The following SLC15A3 variants were observed in gnomAD, a reference collection of about 807,000 sequenced individuals.
SLC15A3 encodes solute carrier family 15 member 3, also known as osteoclast transporter.
A neutral mutation model predicts 49.2 loss-of-function variants in SLC15A3; 39 were observed. The ratio of observed to expected loss-of-function variants is 0.79; its 90% CI spans 0.61 to 1.04. The LOEUF (loss-of-function observed/expected upper bound fraction) is 1.04, where lower values mean the gene tolerates loss of function less well. Ranked by LOEUF, SLC15A3 falls within the 50% of genes least tolerant of loss-of-function variation. SLC15A3 has a pLI of 0.00. For synonymous variants in SLC15A3, 339 were observed against 367.0 expected (o/e 0.92, Z 0.87); for missense variants, 758 against 794.8 (o/e 0.95, Z 0.56).
chr11:60,942,226 G>T, intron 3 of SLC15A3, 81 bp from the exon 4 acceptor site: 1 of 1,171,514 alleles, frequency 8.5e-7, no homozygotes, highest in Non-Finnish European at 1.3e-6. Context: ...CCTCAGCGCC[G>T]TACCACAGGA....
chr11:60,937,782 C>G, intron 7 of SLC15A3, 88 bp downstream of exon 7: 1 of 1,494,822 alleles, frequency 6.7e-7, no homozygotes, highest in South Asian at 1.3e-5. Context: ...CTTGCTTCTC[C>G]CCAGAGTCAA....
In SLC15A3 at chr11:60,951,573, C is replaced by A. The variant is rs577377966; in HGVS notation, c.-22G>T. The A allele has an allele frequency of 8.8e-7, 1 of 1,136,058 alleles. No individual in the cohort carries two copies. Among genetic ancestry groups the A allele is most frequent in the South Asian group, 4.4e-5 (1 of 22,938 alleles). 70.4% of individuals were successfully genotyped at this position (1,136,058 alleles called of 1,614,324 possible). On this transcript the variant is annotated 5_prime_UTR_variant, in exon 1 of 8. Coordinates refer to ENST00000227880, the MANE Select transcript of SLC15A3 (RefSeq NM_016582.3). ...GCATCCTGGCTCCGGGCTGGGCCCC[C>A]CGCGGCTCTTCTCTCCTCTCCTCTC...
At chr11:60,943,531 G>T in intron 3 of SLC15A3, 158 bp downstream of exon 3, 1 of 715,334 alleles carries the variant, frequency 1.4e-6, no homozygotes, top group Non-Finnish European at 2.0e-6. Flanking sequence ...AGACGGCTTT[G>T]TGCCAGGCCC....
chr11:60,948,701 G>A (rs542899468), intron 1 of SLC15A3, among the ~76,000 whole-genome samples: 1 of 152,322 alleles, frequency 6.6e-6, no homozygotes, highest in East Asian at 1.9e-4. Context: ...ACTGTCCTAG[G>A]GATCAGGTCC....
chr11:60,947,727 T>G (rs1184680823), intron 1 of SLC15A3: 3 of 151,532 alleles, frequency 2.0e-5, no homozygotes, highest in Admixed American at 6.6e-5. Context: ...GAAAAAAACG[T>G]TTTTTTTCAG....
chr11:60,942,044 G>A lies in SLC15A3; in HGVS notation c.1098C>T (p.Ser366=), dbSNP rs759378645. ...NISVALRAQG[S]SYTIPEAWLL... ...ATGCTTTATCTCTCACCGTGTAGCTGCTGCCCTGGGCTCTCAGGGCCACAG... is the reference window on the plus strand; with the variant it reads ...ATGCTTTATCTCTCACCGTGTAGCTACTGCCCTGGGCTCTCAGGGCCACAG... Residue 366 remains serine, a synonymous_variant, in exon 4 of 8, where the codon AGC becomes AGT. Coordinates refer to ENST00000227880, the MANE Select transcript of SLC15A3 (RefSeq NM_016582.3). The A allele has an allele frequency of 3.7e-6, 6 of 1,613,908 alleles. No individual in the cohort carries two copies. The highest frequency in any genetic ancestry group is 5.1e-6 in the Non-Finnish European group (6 of 1,179,898).
In SLC15A3 at chr11:60,946,535, G is replaced by C; in HGVS notation, c.845C>G (p.Ala282Gly). 1 of 1,556,964 alleles carries C rather than the reference G, an allele frequency of 6.4e-7. No homozygotes were observed. Among genetic ancestry groups the C allele is most frequent in the Non-Finnish European group, 8.7e-7 (1 of 1,148,238 alleles). ...CCPQLWQRHS[A>G]RDRQCARVLA... ...TGCACCCAGAGCCCCTCCTTACCTG[G>C]CCGAGTGTCGTTGCCACAGCTGGGG... The change falls in exon 2 of 8, where the codon GCC becomes GGC. Residue 282 changes from alanine to glycine, a missense_variant. By Grantham distance (60) the Ala-to-Gly change is moderately conservative (BLOSUM62 0). This residue lies in a region of SLC15A3 where 699 missense variants were observed against 706.7 expected (regional missense o/e 0.99). Coordinates refer to ENST00000227880, the MANE Select transcript of SLC15A3 (RefSeq NM_016582.3).
At chr11:60,947,740 C>T (rs569267401) in intron 1 of SLC15A3, 1 of 152,200 alleles carries the variant, frequency 6.6e-6, no homozygotes, top group East Asian at 1.9e-4. Flanking sequence ...TTTTTCAGGC[C>T]TCCCAGCAAG....
rs770903289 is a variant in SLC15A3, at chr11:60,942,124, G to A, written c.1018C>T (p.Gln340Ter). Residue 340 changes from glutamine to a stop codon, truncating the protein, a stop_gained, in exon 4 of 8, where the codon CAG becomes TAG. Coordinates refer to ENST00000227880, the MANE Select transcript of SLC15A3 (RefSeq NM_016582.3). LOFTEE classifies it high-confidence loss of function. Reference protein sequence around the residue: ...YFQMQSTYVLQGLHLHIPNIF... With the variant: ...YFQMQSTYVL Reference sequence around the variant, plus strand: ...TTTGGGATGTGGAGGTGAAGACCCTGCAGGACATAGGTGGACTGCATCTGC... The same window carrying A: ...TTTGGGATGTGGAGGTGAAGACCCTACAGGACATAGGTGGACTGCATCTGC... The A allele has an allele frequency of 5.0e-5, 80 of 1,613,962 alleles. No individual in the cohort carries two copies. Among genetic ancestry groups the A allele is most frequent in the Non-Finnish European group, 6.5e-5 (77 of 1,179,954 alleles).
rs150414083 is a variant in SLC15A3 at position 60,941,260 on chromosome 11, C to G, written c.1138G>C (p.Val380Leu). 103 of 1,614,028 alleles carry G rather than the reference C, an allele frequency of 6.4e-5. No homozygotes were observed. In the African/African-American group the frequency reaches 1.1e-3, roughly 18 times the overall value. The change falls in exon 5 of 8, where the codon GTT (valine) becomes CTT (leucine). Residue 380 changes from valine (V) to leucine (L), a missense_variant. By Grantham distance (32) the Val-to-Leu change is conservative. Coordinates refer to ENST00000227880, the MANE Select transcript of SLC15A3 (RefSeq NM_016582.3). ...IPEAWLLLAN[V>L]VVVLILVPLK... The stretch of plus-strand genomic sequence containing the variant: ...GGGACCAGAATCAGCACCACCACAA[C>G]ATTGGCCAGGAGGAGCCAGGCTTCC...
intron 2 of SLC15A3, 103 bp from the exon 3 acceptor site, chr11:60,943,939 C>T (rs1856763604): frequency 2.5e-6 from 3 of 1,191,324 alleles, no homozygotes; most frequent in Non-Finnish European, 2.2e-6. Flanking sequence ...GGGTGGATCA[C>T]CTGAGGTCAG....
chr11:60,943,088 AG>A (rs1856742150), intron 3 of SLC15A3: 1 of 152,250 alleles, frequency 6.6e-6, no homozygotes, highest in Non-Finnish European at 1.5e-5. Context: ...TTCTTAAACT[AG>A]AAACTTCCCC....
At chr11:60,937,782 C>A in intron 7 of SLC15A3, 88 bp downstream of exon 7, 1 of 1,494,822 alleles carries the variant, frequency 6.7e-7, no homozygotes, top group East Asian at 2.3e-5. Context: ...CTTGCTTCTC[C>A]CCAGAGTCAA....
At chr11:60,945,434 G>T (rs759897182) in intron 2 of SLC15A3, among the ~76,000 whole-genome samples, 1 of 152,212 alleles carries the variant, frequency 6.6e-6, no homozygotes, top group Admixed American at 6.5e-5. Context: ...AGAACTGGGA[G>T]AGGAGATAAA....
At chr11:60,947,036 C>T (rs1856815074) in intron 1 of SLC15A3, among the ~76,000 whole-genome samples, 1 of 152,214 alleles carries the variant, frequency 6.6e-6, no homozygotes, top group Non-Finnish European at 1.5e-5. Flanking sequence ...AAGATCAGGA[C>T]ATTTGGCCCA....
chr11:60,951,491 G>C lies in SLC15A3; in HGVS notation c.61C>G (p.Pro21Ala). ...RVPGERQPLL[P>A]RGARGPRRWR... Reference sequence around the variant, plus strand: ...CGTCGAGGGCCCCGCGCACCGCGAGGCAGCAGCGGCTGGCGCTCCCCGGGC... The same window carrying C: ...CGTCGAGGGCCCCGCGCACCGCGAGCCAGCAGCGGCTGGCGCTCCCCGGGC... The change falls in exon 1 of 8, where the codon CCT (proline) becomes GCT (alanine). Residue 21 changes from proline (P) to alanine (A), a missense_variant. Pro to Ala is a conservative substitution (Grantham distance 27, BLOSUM62 -1). Transcript: ENST00000227880. The C allele has an allele frequency of 7.2e-6, 9 of 1,255,474 alleles. No individual in the cohort carries two copies. Among genetic ancestry groups the C allele is most frequent in the Non-Finnish European group, 9.0e-6 (9 of 996,152 alleles). 77.8% of individuals were successfully genotyped at this position (1,255,474 alleles called of 1,614,324 possible).
chr11:60,946,462 AT>A (rs1856802800), intron 2 of SLC15A3, 69 bp downstream of exon 2: 1 of 1,486,216 alleles, frequency 6.7e-7, no homozygotes, highest in Non-Finnish European at 9.0e-7. Flanking sequence ...AACCTGGACC[AT>A]GCCTCCCCGG....
rs923148974 is a variant in SLC15A3 at position 60,952,106 on chromosome 11, C to T, written c.-555G>A. Among the ~76,000 whole-genome samples the T allele has an allele frequency of 2.6e-5, 4 of 151,944 alleles. No individual in the cohort carries two copies. Among genetic ancestry groups the T allele is most frequent in the African/African-American group, 9.7e-5 (4 of 41,354 alleles). Reference sequence around the variant, plus strand: ...CCCCTCACCCCCACTGCCTACACTCCCCTCTCAGTCCCCTGCAGCCCTCCC... The same window carrying T: ...CCCCTCACCCCCACTGCCTACACTCTCCTCTCAGTCCCCTGCAGCCCTCCC... On this transcript the variant is annotated 5_prime_UTR_variant, in exon 1 of 8. Transcript: ENST00000227880.
intron 7 of SLC15A3, 134 bp from the exon 8 acceptor site, chr11:60,937,507 G>T (rs1339003668): frequency 2.6e-6 from 3 of 1,146,462 alleles, no homozygotes; most frequent in Admixed American, 1.9e-5. Flanking sequence ...ACACTGGACA[G>T]ATACCCACTA....
Sources: gnomAD v4.1 joint callset for allele counts (sites outside exome capture counted in the v4.1 genomes callset) on GRCh38, gnomAD v4.1.1 for gene constraint, gnomAD v4.1.1 regional missense constraint, MANE v1.5 for transcripts, NCBI Gene and HGNC (gene_info 2026-07-23, HGNC 2026-07-21) for gene names.